PRSS3: variants seen among roughly 807,000 people sequenced by gnomAD.
PRSS3 encodes serine protease 3.
Under a neutral mutation model 20.8 loss-of-function variants are expected in PRSS3, and 14 were observed. That is an observed-to-expected ratio of 0.67 (90% confidence interval 0.44 to 1.05). The LOEUF (loss-of-function observed/expected upper bound fraction) is 1.05, where lower values mean the gene tolerates loss of function less well. Among genes scored for constraint, PRSS3 ranks in the 50% least tolerant of loss-of-function variants. The probability of loss-of-function intolerance (pLI) is 0.00; values close to 1 mark genes in which losing one functional copy is unlikely to be tolerated. For synonymous variants in PRSS3, 91 were observed against 117.6 expected (o/e 0.77, Z 1.46); for missense variants, 237 against 306.4 (o/e 0.77, Z 1.69).
rs1002885218 is a variant in PRSS3 at position 33,750,973 on chromosome 9, C to T, written c.-53+246C>T. The T allele has an allele frequency of 1.1e-6, 1 of 937,468 alleles. No homozygotes were observed. The highest frequency in any genetic ancestry group is 1.4e-6 in the Non-Finnish European group (1 of 701,076). 58.1% of individuals were successfully genotyped at this position (937,468 alleles called of 1,614,324 possible). A position where few individuals can be genotyped will look rare whatever the true frequency, so the allele number is the denominator to read the frequency against. On this transcript the variant is annotated intron_variant, in intron 1 of 5. Transcript: ENST00000342836. This position sits in a 1 kb window ranked among gnomAD's most constrained non-coding sequence, Gnocchi z 4.8. ...TGTCGCAGAAGCCCACCTGGGGCCCCCTCCGGGCTGCGGCACCGATGCGCA... is the reference window on the plus strand; with the variant it reads ...TGTCGCAGAAGCCCACCTGGGGCCCTCTCCGGGCTGCGGCACCGATGCGCA...
At chr9:33,780,150 T>A (rs959513797) in intron 1 of PRSS3, among the ~76,000 whole-genome samples, 2 of 151,718 alleles carry the variant, frequency 1.3e-5, no homozygotes, top group African/African-American at 4.8e-5. Context: ...GAAAAAAAAA[T>A]TCTAAAGGCA....
chr9:33,799,006 A>G, intron 4 of PRSS3, 22 bp from the exon 5 acceptor site: 4 of 1,612,656 alleles, frequency 2.5e-6, no homozygotes, highest in Non-Finnish European at 3.4e-6. Flanking sequence ...TCTTTATACA[A>G]CTTGTCCCTT....
intron 1 of PRSS3, among the ~76,000 whole-genome samples, chr9:33,778,977 T>C (rs556297973): frequency 1.2e-4 from 19 of 152,306 alleles, no homozygotes; most frequent in Non-Finnish European, 2.8e-4. Flanking sequence ...ACTAAAATTA[T>C]CATGCTAATT....
intron 1 of PRSS3, among the ~76,000 whole-genome samples, chr9:33,788,431 T>C (rs1360579071): frequency 1.3e-5 from 2 of 152,246 alleles, no homozygotes; most frequent in East Asian, 1.9e-4. Flanking sequence ...ATTCTCTCTG[T>C]TATTAAATGG....
chr9:33,792,372 G>C (rs1461895098), upstream of PRSS3, among the ~76,000 whole-genome samples: 1 of 152,174 alleles, frequency 6.6e-6, no homozygotes, highest in Non-Finnish European at 1.5e-5. Flanking sequence ...ACACTTTTCA[G>C]ACTACTATGA....
upstream of PRSS3, among the ~76,000 whole-genome samples, chr9:33,792,452 A>G (rs1167708905): frequency 6.6e-6 from 1 of 152,218 alleles, no homozygotes; most frequent in African/African-American, 2.4e-5. Context: ...TTCTAGTATG[A>G]TCTTTGCTGG....
In PRSS3 at chr9:33,772,151, C is replaced by T. The variant is rs184083984; in HGVS notation, c.-53+21424C>T. On this transcript the variant is annotated intron_variant, in intron 1 of 5. Transcript: ENST00000342836. ...CCTCCCAATGTGCTGGGATTACAGG[C>T]GTAAGCCACCGCGCGCAGCCCCCAG... Among the ~76,000 whole-genome samples, 17 of 152,242 alleles carry T rather than the reference C, an allele frequency of 1.1e-4. No homozygotes were observed. In the East Asian group the frequency reaches 2.7e-3, roughly 24 times the overall value.
At chr9:33,765,855 AC>A (rs1225693417) in intron 1 of PRSS3, among the ~76,000 whole-genome samples, 1 of 152,248 alleles carries the variant, frequency 6.6e-6, no homozygotes, top group Non-Finnish European at 1.5e-5. Flanking sequence ...ATCTATACAC[AC>A]AAAAACATGC....
intron 1 of PRSS3, among the ~76,000 whole-genome samples, chr9:33,768,783 G>A (rs534492718): frequency 6.6e-6 from 1 of 152,186 alleles, no homozygotes; most frequent in Admixed American, 6.5e-5. Context: ...TTGAGCCCGG[G>A]GGGCAGAGGT....
intron 1 of PRSS3, among the ~76,000 whole-genome samples, chr9:33,777,976 A>C (rs991827699): frequency 2.6e-5 from 4 of 152,164 alleles, no homozygotes; most frequent in African/African-American, 9.7e-5. Flanking sequence ...AATAAAAATC[A>C]AAACAGAATC....
At chr9:33,762,408 G>A (rs961140437) in intron 1 of PRSS3, among the ~76,000 whole-genome samples, 2 of 152,122 alleles carry the variant, frequency 1.3e-5, no homozygotes, top group Non-Finnish European at 1.5e-5. Context: ...TCAGGACTGC[G>A]GCCACAGTCA....
At chr9:33,768,011 C>T (rs1411709879) in intron 1 of PRSS3, among the ~76,000 whole-genome samples, 2 of 152,196 alleles carry the variant, frequency 1.3e-5, no homozygotes, top group African/African-American at 4.8e-5. Flanking sequence ...TTAAGTCCCC[C>T]AGCCTGTGGG....
chr9:33,799,187 C>T lies in PRSS3; in HGVS notation c.*7C>T, dbSNP rs558645886. On this transcript the variant is annotated 3_prime_UTR_variant, in exon 5 of 5. Transcript: ENST00000379405. ...CATCGCTGCCAACAGCTAAAGCCCC[C>T]GGTCCCTCTGCAGTCTCTATACCAA... is the stretch of plus-strand genomic sequence containing the variant. 2,693 of 1,610,392 alleles carry T rather than the reference C, an allele frequency of 1.7e-3. 26 individuals are homozygous for T. The highest frequency in any genetic ancestry group is 4.0e-4 in the Non-Finnish European group (472 of 1,178,676).
chr9:33,756,604 G>GT (rs1340784336), intron 1 of PRSS3, among the ~76,000 whole-genome samples: 1 of 151,984 alleles, frequency 6.6e-6, no homozygotes, highest in Non-Finnish European at 1.5e-5. Flanking sequence ...AAAATCCCAT[G>GT]TTTTTTAGTT....
At chr9:33,782,804 G>C (rs1477343148) in intron 1 of PRSS3, among the ~76,000 whole-genome samples, 1 of 152,114 alleles carries the variant, frequency 6.6e-6, no homozygotes, top group Non-Finnish European at 1.5e-5. Context: ...GAAAATAATA[G>C]TTTCTTATAA....
At chr9:33,769,439 C>G (rs1823587283) in intron 1 of PRSS3, among the ~76,000 whole-genome samples, 1 of 152,150 alleles carries the variant, frequency 6.6e-6, no homozygotes, top group Non-Finnish European at 1.5e-5. Context: ...ATGGCCTCGC[C>G]CCCTATGGAT....
intron 1 of PRSS3, among the ~76,000 whole-genome samples, chr9:33,755,117 C>T (rs1344380875): frequency 2.0e-5 from 3 of 152,160 alleles, no homozygotes; most frequent in South Asian, 2.1e-4. Flanking sequence ...CCATTCCGGA[C>T]GGGCACGCCA....
rs770993318 is a variant in PRSS3, at chr9:33,798,486, C to G, written c.455C>G (p.Ala152Gly). 3 of 1,613,986 alleles carry G rather than the reference C, an allele frequency of 1.9e-6. No homozygotes were observed. In the African/African-American group the frequency reaches 4.0e-5, roughly 22 times the overall value. The change falls in exon 4 of 5, where the codon GCT becomes GGT. Residue 152 changes from alanine (A) to glycine (G), a missense_variant and splice_region_variant. Ala to Gly is a moderately conservative substitution (Grantham distance 60). Coordinates refer to ENST00000379405, the MANE Select transcript of PRSS3 (RefSeq NM_002771.4). ...SGWGNTLSFG[A>G]DYPDELKCLD... Reference sequence around the variant, plus strand: ...TTTGATCTCTTCCTGATCCTCACAGCTGACTACCCAGACGAGCTGAAGTGC... The same window carrying G: ...TTTGATCTCTTCCTGATCCTCACAGGTGACTACCCAGACGAGCTGAAGTGC...
intron 1 of PRSS3, among the ~76,000 whole-genome samples, chr9:33,775,030 C>A: frequency 1.4e-5 from 2 of 142,640 alleles, no homozygotes; most frequent in Non-Finnish European, 3.0e-5. Context: ...GTTATGGCAG[C>A]ACAAAGAGGC....
Sources: allele counts gnomAD v4.1 joint callset (sites outside exome capture counted in the v4.1 genomes callset), GRCh38; gene constraint gnomAD v4.1.1; non-coding constraint Gnocchi (gnomAD v3.1); transcripts MANE v1.5; gene names NCBI Gene and HGNC (gene_info 2026-07-23, HGNC 2026-07-21).